C10orf90: variants seen among roughly 807,000 people sequenced by gnomAD.
The protein encoded by C10orf90 is chromosome 10 open reading frame 90.
A neutral mutation model predicts 62.5 loss-of-function variants in C10orf90; 56 were observed. The observed-to-expected ratio is 0.90, with a 90% CI of 0.72 to 1.12. The LOEUF is 1.12. Ranked by LOEUF, C10orf90 falls within the 50% of genes most tolerant of loss-of-function variation. The pLI is 0.00. For synonymous variants in C10orf90, 386 were observed against 340.4 expected (o/e 1.13, Z -1.47); for missense variants, 970 against 880.4 (o/e 1.10, Z -1.29).
intron 6 of C10orf90, among the ~76,000 whole-genome samples, chr10:126,460,454 G>A (rs1194152160): frequency 2.0e-5 from 3 of 152,236 alleles, no homozygotes; most frequent in Non-Finnish European, 4.4e-5. Context: ...GGCTCAGTCT[G>A]TATCACATAT....
intron 4 of C10orf90, among the ~76,000 whole-genome samples, chr10:126,498,792 T>C (rs1862220332): frequency 2.0e-5 from 3 of 152,164 alleles, no homozygotes; most frequent in African/African-American, 7.2e-5. Context: ...AGAATAACCT[T>C]GAAGGGCCAT....
Position 126,504,781 on chromosome 10 carries a change from A to G in C10orf90, c.710T>C (p.Ile237Thr), listed in dbSNP as rs370277822. 15 of 1,584,922 alleles carry G rather than the reference A, an allele frequency of 9.5e-6. No homozygotes were observed. In the African/African-American group the frequency reaches 1.7e-4, roughly 18 times the overall value. The change falls in exon 4 of 10, where the codon ATC becomes ACC. Residue 237 changes from isoleucine to threonine, a missense_variant. Coordinates refer to ENST00000488181, the MANE Select transcript of C10orf90 (RefSeq NM_001350921.2). The surrounding 1 kb of genome is among the most constrained non-coding windows in gnomAD (Gnocchi z 4.1). ...CGGPRRGFAS[I>T]TITARRVGPP... ...GCCCACGCGTCTGGCCGTGATGGTG[A>G]TGGATGCAAACCCTCTGCGGGGGCC...
At chr10:126,514,340 C>T (rs574444956) in intron 2 of C10orf90, among the ~76,000 whole-genome samples, 1 of 152,278 alleles carries the variant, frequency 6.6e-6, no homozygotes, top group South Asian at 2.1e-4. Context: ...TTCATTCAGC[C>T]TCTTAATGCA....
intron 2 of C10orf90, among the ~76,000 whole-genome samples, chr10:126,608,173 A>G (rs1363844420): frequency 6.6e-6 from 1 of 152,204 alleles, no homozygotes; most frequent in African/African-American, 2.4e-5. Context: ...CAGTGGTGCC[A>G]TCAGGGCTCA....
Position 126,445,826 on chromosome 10 carries a change from T to TATATATATATAC in C10orf90, c.2188+13213_2188+13214insGTATATATATAT, listed in dbSNP as rs57867349. Reference sequence around the variant, plus strand: ...TGGTGTATATATATATATATATATATACAATGGAATACTACTCAGCCATAA... The same window carrying TATATATATATAC: ...TGGTGTATATATATATATATATATATATATATATATACACAATGGAATACTACTCAGCCATAA... On this transcript the variant is annotated intron_variant, in intron 7 of 9. Transcript: ENST00000488181. 5.4e-3 allele frequency among the ~76,000 whole-genome samples: 782 copies of TATATATATATAC among 144,774 alleles called. 4 individuals carry two copies. Among genetic ancestry groups the TATATATATATAC allele is most frequent in the African/African-American group, 0.016 (638 of 39,202 alleles). The allele number at this position is 144,774 out of a possible 152,430, so 95.0% of individuals were successfully genotyped here. A position where few individuals can be genotyped will look rare whatever the true frequency, so the allele number is the denominator to read the frequency against.
chr10:126,546,466 A>G (rs553856028), intron 2 of C10orf90, among the ~76,000 whole-genome samples: 1 of 152,056 alleles, frequency 6.6e-6, no homozygotes, highest in Non-Finnish European at 1.5e-5. Context: ...ATGGTGCCAG[A>G]GGAGACCTTG....
chr10:126,587,527 C>T (rs1221634441), intron 2 of C10orf90, among the ~76,000 whole-genome samples: 1 of 152,142 alleles, frequency 6.6e-6, no homozygotes, highest in Admixed American at 6.5e-5. Flanking sequence ...TAATCTCATC[C>T]TGAGGGCCTC....
chr10:126,470,194 G>A (rs1860506417), intron 4 of C10orf90: 2 of 395,174 alleles, frequency 5.1e-6, no homozygotes, highest in African/African-American at 2.0e-5. Context: ...TCTGCATGTT[G>A]CATGCTGCAG....
At chr10:126,561,378 A>G (rs1864896638) in intron 2 of C10orf90, among the ~76,000 whole-genome samples, 2 of 152,162 alleles carry the variant, frequency 1.3e-5, no homozygotes, top group Admixed American at 1.3e-4. Flanking sequence ...ACCTTAGAAG[A>G]GAGTGATTCC....
intron 2 of C10orf90, among the ~76,000 whole-genome samples, chr10:126,613,797 T>A (rs958930278): frequency 6.6e-6 from 1 of 152,208 alleles, no homozygotes; most frequent in Non-Finnish European, 1.5e-5. Context: ...CCCTTCCCTC[T>A]GGATTTGAGC....
intron 2 of C10orf90, among the ~76,000 whole-genome samples, chr10:126,585,528 TGA>T (rs983086505): frequency 3.2e-5 from 2 of 61,920 alleles, no homozygotes; most frequent in African/African-American, 1.5e-4. Context: ...AAGAGGAGAA[TGA>T]GAGAAAAAGA....
intron 2 of C10orf90, among the ~76,000 whole-genome samples, chr10:126,616,602 T>C (rs1197921464): frequency 6.6e-6 from 1 of 152,176 alleles, no homozygotes; most frequent in South Asian, 2.1e-4. Context: ...ATGAGCAGCT[T>C]GGTCAGCAAC....
At chr10:126,622,322 T>C (rs757873473) in intron 2 of C10orf90, among the ~76,000 whole-genome samples, 6 of 152,062 alleles carry the variant, frequency 3.9e-5, no homozygotes, top group Admixed American at 6.5e-5. Context: ...CAGACCCAAC[T>C]TTCCAATCTT....
intron 8 of C10orf90, among the ~76,000 whole-genome samples, chr10:126,429,523 A>T (rs956306081): frequency 6.6e-6 from 1 of 152,228 alleles, no homozygotes; most frequent in African/African-American, 2.4e-5. Context: ...GAGTCTGGGA[A>T]TCTCTTAGAG....
intron 2 of C10orf90, among the ~76,000 whole-genome samples, chr10:126,635,290 C>T (rs1845927547): frequency 6.6e-6 from 1 of 152,188 alleles, no homozygotes; most frequent in South Asian, 2.1e-4. Flanking sequence ...CAGATTATTG[C>T]TTCTTCCCAT....
At chr10:126,431,095 G>T (rs1239390272) in intron 7 of C10orf90, among the ~76,000 whole-genome samples, 1 of 152,188 alleles carries the variant, frequency 6.6e-6, no homozygotes, top group East Asian at 1.9e-4. Context: ...ACAAGAAAAA[G>T]AAATTGGAAT....
At chr10:126,514,648 G>T (rs993851403) in intron 2 of C10orf90, among the ~76,000 whole-genome samples, 3 of 152,130 alleles carry the variant, frequency 2.0e-5, no homozygotes, top group South Asian at 2.1e-4. Context: ...CACCACACCT[G>T]CCCTGAGTAC....
At chr10:126,589,197 A>G (rs1844932740) in intron 2 of C10orf90, among the ~76,000 whole-genome samples, 1 of 152,212 alleles carries the variant, frequency 6.6e-6, no homozygotes, top group Non-Finnish European at 1.5e-5. Context: ...TCTGAGAAAT[A>G]TGGGATTATG....
chr10:126,479,956 G>C (rs1861084939), intron 4 of C10orf90, among the ~76,000 whole-genome samples: 1 of 152,196 alleles, frequency 6.6e-6, no homozygotes. Context: ...CACAGTTTAA[G>C]TAATGCTCTT....
Sources: allele counts gnomAD v4.1 joint callset (sites outside exome capture counted in the v4.1 genomes callset), GRCh38; gene constraint gnomAD v4.1.1; non-coding constraint Gnocchi (gnomAD v3.1); transcripts MANE v1.5; gene names NCBI Gene and HGNC (gene_info 2026-07-23, HGNC 2026-07-21).